Variants in DENND4B observed in about 807,000 individuals in gnomAD.
The protein encoded by DENND4B is DENN domain containing 4B.
A neutral mutation model predicts 161.0 loss-of-function variants in DENND4B; 67 were observed. That is an observed-to-expected ratio of 0.42 (90% CI 0.34 to 0.51). The LOEUF is 0.51. DENND4B is among the 20% of genes least tolerant of loss of function. DENND4B has a pLI of 0.08. For synonymous variants in DENND4B, 753 were observed against 813.8 expected, an observed-to-expected ratio of 0.93 and a Z score of 1.27; for missense variants, 1,481 against 1,968.0, an observed-to-expected ratio of 0.75 and a Z score of 4.68.
chr1:153,937,335 T>C lies in DENND4B; in HGVS notation c.2232+153A>G, dbSNP rs1355256006. ...CAGTGATAATAGCAACTAATGTTTA[T>C]ACAGGGTTGCTTATGTGCCAAGCAC... is the stretch of plus-strand genomic sequence containing the variant. On this transcript the variant is annotated intron_variant, in intron 15 of 27. Coordinates refer to ENST00000361217, the MANE Select transcript of DENND4B (RefSeq NM_014856.3). The surrounding 1 kb of genome is among the most constrained non-coding windows in gnomAD (Gnocchi z 4.7). Among the ~76,000 whole-genome samples the C allele has an allele frequency of 2.0e-5, 3 of 152,260 alleles. No individual in the cohort carries two copies. The highest frequency in any genetic ancestry group is 1.3e-4 in the Admixed American group (2 of 15,290).
At chr1:153,938,841 C>A in intron 13 of DENND4B, 59 bp downstream of exon 13, 3 of 1,548,100 alleles carry the variant, frequency 1.9e-6, no homozygotes, top group East Asian at 2.4e-5. Context: ...GGCCTTGGGG[C>A]AACAGAGACA....
intron 17 of DENND4B, 161 bp downstream of exon 17, chr1:153,935,899 A>T (rs1409101717): frequency 9.7e-6 from 8 of 822,514 alleles, no homozygotes; most frequent in Non-Finnish European, 1.5e-5. Context: ...GAGAAACTGT[A>T]GGTGCTAAGG....
rs766834171 is a variant in DENND4B at position 153,942,907 on chromosome 1, G to A, written c.541C>T (p.Arg181Trp). The change falls in exon 3 of 28, where the codon CGG becomes TGG. Residue 181 changes from arginine (R) to tryptophan (W), a missense_variant. Physicochemically the swap from Arg to Trp is moderately radical, Grantham distance 101. Around this residue, in one of 3 missense-constraint regions of DENND4B, gnomAD observed 806 missense variants for 1,134.4 expected, o/e 0.71. Coordinates refer to ENST00000361217, the MANE Select transcript of DENND4B (RefSeq NM_014856.3). The surrounding 1 kb of genome is among the most constrained non-coding windows in gnomAD (Gnocchi z 6.9). The stretch of plus-strand genomic sequence containing the variant: ...CCAGGGTTGAGGTTGCGGGGCAGCC[G>A]GCAGTAAGTATGAGGAGTGCCCTCG... ...KGEGTPHTYC[R>W]LPRNLNPGMW... The A allele has an allele frequency of 2.4e-5, 38 of 1,602,680 alleles. No individual in the cohort carries two copies. The East Asian group carries it at 4.0e-4, about 17-fold the overall frequency.
chr1:153,931,817 T>C (rs971908938), intron 24 of DENND4B, among the ~76,000 whole-genome samples: 5 of 146,072 alleles, frequency 3.4e-5, no homozygotes, highest in Admixed American at 2.7e-4. Flanking sequence ...TTTTTTTTTT[T>C]CTTGAGACGG....
At position 153,932,180 on chromosome 1, in the gene DENND4B, CAG is replaced by C. The variant is rs770328207; in HGVS notation, c.3996+22_3996+23del. ...AGAGATGAGGGAGGCACTTAGGAAA[CAG>C]GGGCCACATGGGGGCACTGACCTGG... On this transcript the variant is annotated intron_variant, in intron 24 of 27. Transcript: ENST00000361217. The surrounding 1 kb of genome is among the most constrained non-coding windows in gnomAD (Gnocchi z 5.8). 2.7e-5 allele frequency: 43 copies of C among 1,598,704 alleles called. No individual in the cohort carries two copies. Among genetic ancestry groups the C allele is most frequent in the Middle Eastern group, 1.7e-4 (1 of 6,038 alleles).
Position 153,936,109 on chromosome 1 carries a change from C to T in DENND4B, c.2519G>A (p.Arg840His), listed in dbSNP as rs764671818. 1.4e-5 allele frequency: 23 copies of T among 1,612,498 alleles called. No individual in the cohort carries two copies. The highest frequency in any genetic ancestry group is 2.2e-5 in the East Asian group (1 of 44,868). ...VLSVRVMLEMRQAGIVPNTIT... is the reference protein window; with the variant it reads ...VLSVRVMLEMHQAGIVPNTIT... ...GGTGTTGGGCACAATGCCTGCCTGA[C>T]GCATCTCCAGCATGACCCGCACAGA... Residue 840 changes from arginine to histidine, a missense_variant, in exon 17 of 28, where the codon CGT becomes CAT. Arg to His is a conservative substitution (Grantham distance 29). This residue lies in a region of DENND4B where 806 missense variants were observed against 1,134.4 expected (regional missense o/e 0.71). Transcript: ENST00000361217. This position sits in a 1 kb window ranked among gnomAD's most constrained non-coding sequence, Gnocchi z 4.1.
intron 8 of DENND4B, 41 bp from the exon 9 acceptor site, chr1:153,941,089 C>A: frequency 1.3e-6 from 2 of 1,555,318 alleles, no homozygotes; most frequent in Non-Finnish European, 8.7e-7. Flanking sequence ...CACCAGGATA[C>A]CCTGGGGACC....
chr1:153,941,227 A>G lies in DENND4B; in HGVS notation c.1181+4T>C, dbSNP rs771014484. The G allele has an allele frequency of 2.5e-6, 4 of 1,613,632 alleles. No homozygotes were observed. The African/African-American group carries it at 4.0e-5, about 16-fold the overall frequency. ...GCTCCCCTCCCCACAATCTGATCACATACCTGAGGGGCAGGGGTGAGGATA... is the reference window on the plus strand; with the variant it reads ...GCTCCCCTCCCCACAATCTGATCACGTACCTGAGGGGCAGGGGTGAGGATA... On this transcript the variant is annotated splice_donor_region_variant and intron_variant, in intron 8 of 27. Coordinates refer to ENST00000361217, the MANE Select transcript of DENND4B (RefSeq NM_014856.3).
intron 2 of DENND4B, 118 bp downstream of exon 2, chr1:153,943,940 C>G (rs921446711): frequency 1.7e-6 from 2 of 1,193,244 alleles, no homozygotes; most frequent in African/African-American, 3.1e-5. Context: ...TTCCTGGCCC[C>G]TGGCCCACCA....
chr1:153,942,701 C>G lies in DENND4B; in HGVS notation c.571-76G>C. The stretch of plus-strand genomic sequence containing the variant: ...CTGGGGTCCACTTTCTCTCTACCAC[C>G]CCTAAATGTTCTTTTGTCTTTAAAG... On this transcript the variant is annotated intron_variant, in intron 3 of 27. Coordinates refer to ENST00000361217, the MANE Select transcript of DENND4B (RefSeq NM_014856.3). The surrounding 1 kb of genome is among the most constrained non-coding windows in gnomAD (Gnocchi z 6.9). 1 of 1,490,786 alleles carries G rather than the reference C, an allele frequency of 6.7e-7. No homozygotes were observed. Among genetic ancestry groups the G allele is most frequent in the Non-Finnish European group, 8.9e-7 (1 of 1,118,742 alleles). 92.3% of individuals were successfully genotyped at this position (1,490,786 alleles called of 1,614,324 possible). A position where few individuals can be genotyped will look rare whatever the true frequency, so the allele number is the denominator to read the frequency against.
chr1:153,933,100 C>G lies in DENND4B; in HGVS notation c.3454-70G>C. Reference sequence around the variant, plus strand: ...GCACTCTGGAGCCCATGCCCCTTCCCCAGCCCCTCCCACCTCCTCCCCATC... The same window carrying G: ...GCACTCTGGAGCCCATGCCCCTTCCGCAGCCCCTCCCACCTCCTCCCCATC... On this transcript the variant is annotated intron_variant, in intron 21 of 27. Transcript: ENST00000361217. The surrounding 1 kb of genome is among the most constrained non-coding windows in gnomAD (Gnocchi z 5.7). The G allele has an allele frequency of 1.2e-6, 2 of 1,610,200 alleles. No individual in the cohort carries two copies. Among genetic ancestry groups the G allele is most frequent in the South Asian group, 1.1e-5 (1 of 90,904 alleles).
chr1:153,934,742 T>C lies in DENND4B; in HGVS notation c.2773+18A>G, dbSNP rs1484977533. 1.2e-6 allele frequency: 2 copies of C among 1,605,330 alleles called. No individual in the cohort carries two copies. Among genetic ancestry groups the C allele is most frequent in the Non-Finnish European group, 8.5e-7 (1 of 1,176,800 alleles). ...CAGCTACTCCATCCCCAAGCCTGTC[T>C]CACCAGGCCCTACCCACCTGCCTGG... is the stretch of plus-strand genomic sequence containing the variant. On this transcript the variant is annotated intron_variant, in intron 18 of 27. Coordinates refer to ENST00000361217, the MANE Select transcript of DENND4B (RefSeq NM_014856.3). This position sits in a 1 kb window ranked among gnomAD's most constrained non-coding sequence, Gnocchi z 5.3.
At chr1:153,935,383 G>A (rs1224922229) in intron 17 of DENND4B, 1 of 170,932 alleles carries the variant, frequency 5.9e-6, no homozygotes, top group Admixed American at 5.8e-5. Flanking sequence ...GTCTTGCTCT[G>A]TCGCCCAGGC....
Position 153,946,474 on chromosome 1 carries a change from G to A in DENND4B, c.-197C>T, listed in dbSNP as rs1221512223. 5 of 389,654 alleles carry A rather than the reference G, an allele frequency of 1.3e-5. No individual in the cohort carries two copies. Among genetic ancestry groups the A allele is most frequent in the Admixed American group, 4.5e-5 (1 of 22,336 alleles). 24.1% of individuals were successfully genotyped at this position (389,654 alleles called of 1,614,324 possible). A position where few individuals can be genotyped will look rare whatever the true frequency, so the allele number is the denominator to read the frequency against. ...GAGGCGGCCGAGGACCGCAGAGCGC[G>A]GGGCGCAGTGGAAGGAGATCCGGGC... On this transcript the variant is annotated 5_prime_UTR_variant, in exon 1 of 28. Coordinates refer to ENST00000361217, the MANE Select transcript of DENND4B (RefSeq NM_014856.3). The surrounding 1 kb of genome is among the most constrained non-coding windows in gnomAD (Gnocchi z 6.3).
Position 153,942,142 on chromosome 1 carries a change from A to G in DENND4B, c.811-29T>C. On this transcript the variant is annotated intron_variant, in intron 5 of 27. Coordinates refer to ENST00000361217, the MANE Select transcript of DENND4B (RefSeq NM_014856.3). The surrounding 1 kb of genome is among the most constrained non-coding windows in gnomAD (Gnocchi z 6.9). ...GCAGGGGGCAGAAGGGTAGTCAGGCAGGCCCTGCATAGCCTGGACCCCTTG... is the reference window on the plus strand; with the variant it reads ...GCAGGGGGCAGAAGGGTAGTCAGGCGGGCCCTGCATAGCCTGGACCCCTTG... 1.9e-6 allele frequency: 3 copies of G among 1,613,944 alleles called. No individual in the cohort carries two copies. The highest frequency in any genetic ancestry group is 2.5e-6 in the Non-Finnish European group (3 of 1,179,872).
At chr1:153,941,775 GCCCT>G in intron 6 of DENND4B, 90 bp downstream of exon 6, 61 of 1,338,110 alleles carry the variant, frequency 4.6e-5, no homozygotes, top group Middle Eastern at 2.8e-4. Context: ...CCTGTGCCCA[GCCCT>G]CCCCCCACCC....
At position 153,932,072 on chromosome 1, in the gene DENND4B, G is replaced by T. The variant is rs1678985491; in HGVS notation, c.3996+132C>A. The T allele has an allele frequency of 2.4e-6, 2 of 839,014 alleles. No homozygotes were observed. The highest frequency in any genetic ancestry group is 5.4e-5 in the East Asian group (2 of 37,024). The allele number at this position is 839,014 out of a possible 1,614,324, so 52.0% of individuals were successfully genotyped here. A position where few individuals can be genotyped will look rare whatever the true frequency, so the allele number is the denominator to read the frequency against. ...TTCGCCCACCTCGGCCTCCCAAAGT[G>T]CTGGGATTACAGGCATGAGCCACCG... On this transcript the variant is annotated intron_variant, in intron 24 of 27. Coordinates refer to ENST00000361217, the MANE Select transcript of DENND4B (RefSeq NM_014856.3). This position sits in a 1 kb window ranked among gnomAD's most constrained non-coding sequence, Gnocchi z 5.8.
Position 153,936,239 on chromosome 1 carries a change from C to T in DENND4B, c.2440-51G>A, listed in dbSNP as rs1679324682. On this transcript the variant is annotated intron_variant, in intron 16 of 27. Transcript: ENST00000361217. This position sits in a 1 kb window ranked among gnomAD's most constrained non-coding sequence, Gnocchi z 4.1. The stretch of plus-strand genomic sequence containing the variant: ...TGGGAGACTCACTCTCAACCAAAAC[C>T]AAAGTCTCAGCAAGCACCCTCTTCC... The T allele has an allele frequency of 6.4e-7, 1 of 1,565,122 alleles. No homozygotes were observed. The highest frequency in any genetic ancestry group is 1.9e-5 in the Admixed American group (1 of 53,204).
Position 153,943,031 on chromosome 1 carries a change from C to G in DENND4B, c.417G>C (p.Gly139=). ...HSANLAPPGP[G]HPRTYLTYRR... ...GGTAAGTGAGGTAGGTGCGGGGGTG[C>G]CCGGGGCCTGGAGGGGCCAGGTTTG... is the stretch of plus-strand genomic sequence containing the variant. Residue 139 remains glycine (G), a synonymous_variant, in exon 3 of 28, where the codon GGG becomes GGC. Transcript: ENST00000361217. 4 of 1,613,992 alleles carry G rather than the reference C, an allele frequency of 2.5e-6. No homozygotes were observed. Among genetic ancestry groups the G allele is most frequent in the Non-Finnish European group, 3.4e-6 (4 of 1,179,878 alleles).
Sources: gnomAD v4.1 joint callset for allele counts (sites outside exome capture counted in the v4.1 genomes callset) on GRCh38, gnomAD v4.1.1 for gene constraint, gnomAD v4.1.1 regional missense constraint, Gnocchi (gnomAD v3.1) non-coding constraint, MANE v1.5 for transcripts, NCBI Gene and HGNC (gene_info 2026-07-23, HGNC 2026-07-21) for gene names.